Variants in CYFIP1 observed in about 807,000 individuals in gnomAD.
CYFIP1 encodes cytoplasmic FMR1-interacting protein 1.
Under a neutral mutation model 163.5 loss-of-function variants are expected in CYFIP1, and 58 were observed. That is an observed-to-expected ratio of 0.35 (90% CI 0.29 to 0.44). CYFIP1 has a LOEUF of 0.44. CYFIP1 is among the 20% of genes least tolerant of loss of function. CYFIP1 has a pLI of 1.00. For missense variants in CYFIP1, 1,338 were observed against 1,653.8 expected, an observed-to-expected ratio of 0.81 and a Z score of 3.31; for synonymous variants, 663 against 660.7, an observed-to-expected ratio of 1.00 and a Z score of -0.05.
rs1444016860 is a variant in CYFIP1 at position 22,875,235 on chromosome 15, G to C, written c.3079C>G (p.Pro1027Ala). 1 of 1,614,074 alleles carries C rather than the reference G, an allele frequency of 6.2e-7. No individual in the cohort carries two copies. ...ACTCGCGGCAAGATGTTCTGGAAAG[G>C]AGCCGCGTGCAGCAGGTCACACACT... ...EEVCDLLHAA[P>A]FQNILPRVHV... Residue 1027 changes from proline (P) to alanine (A), a missense_variant, in exon 27 of 31, where the codon CCT becomes GCT. Pro to Ala is a conservative substitution (Grantham distance 27). This residue lies in a region of CYFIP1 where 306 missense variants were observed against 322.1 expected (regional missense o/e 0.95). Coordinates refer to ENST00000617928, the MANE Select transcript of CYFIP1 (RefSeq NM_014608.6).
Position 22,879,135 on chromosome 15 carries a change from CAA to C in CYFIP1, c.3042+776_3042+777del, listed in dbSNP as rs11356601. The stretch of plus-strand genomic sequence containing the variant: ...GGGGTGACAGAGCAAGACTCCGTCT[CAA>C]AAAAAAAAAAAAAGAAAAAGAAAAT... On this transcript the variant is annotated intron_variant, in intron 26 of 30. Coordinates refer to ENST00000617928, the MANE Select transcript of CYFIP1 (RefSeq NM_014608.6). Among the ~76,000 whole-genome samples the C allele has an allele frequency of 1.3e-3, 170 of 130,278 alleles. 1 individual carries two copies. Among genetic ancestry groups the C allele is most frequent in the African/African-American group, 3.0e-3 (100 of 33,736 alleles). The allele number at this position is 130,278 out of a possible 152,430, so 85.5% of individuals were successfully genotyped here. A position where few individuals can be genotyped will look rare whatever the true frequency, so the allele number is the denominator to read the frequency against.
chr15:22,885,259 C>G (rs564380296), intron 23 of CYFIP1, among the ~76,000 whole-genome samples: 4 of 152,266 alleles, frequency 2.6e-5, no homozygotes, highest in African/African-American at 9.6e-5. Context: ...AATTTCAGAT[C>G]TCTCTCAAGT....
At chr15:22,968,814 C>CCATG (rs1433589128) in intron 1 of CYFIP1, among the ~76,000 whole-genome samples, 1 of 152,212 alleles carries the variant, frequency 6.6e-6, no homozygotes, top group Non-Finnish European at 1.5e-5. Flanking sequence ...CCCCACTGAG[C>CCATG]CATGAGTCCA....
At chr15:22,885,126 C>T (rs1447816656) in intron 23 of CYFIP1, among the ~76,000 whole-genome samples, 1 of 152,190 alleles carries the variant, frequency 6.6e-6, no homozygotes, top group Non-Finnish European at 1.5e-5. Flanking sequence ...TGGTGATTGA[C>T]ATTCAAAATT....
chr15:22,980,022 C>A (rs927087482), intron 1 of CYFIP1, among the ~76,000 whole-genome samples: 3 of 151,656 alleles, frequency 2.0e-5, no homozygotes, highest in African/African-American at 7.3e-5. Context: ...GCCGAAAGGC[C>A]GGGGGCGCAG....
At chr15:22,951,501 G>T in intron 1 of CYFIP1, 1 of 1,288,692 alleles carries the variant, frequency 7.8e-7, no homozygotes, top group Non-Finnish European at 1.0e-6. Context: ...GGCTGCCTGA[G>T]GACGTGCTTC....
Position 22,939,335 on chromosome 15 carries a change from A to T in CYFIP1, c.667-15T>A, listed in dbSNP as rs188449048. 17 of 1,614,038 alleles carry T rather than the reference A, an allele frequency of 1.1e-5. No homozygotes were observed. The highest frequency in any genetic ancestry group is 1.2e-5 in the Non-Finnish European group (14 of 1,180,020). On this transcript the variant is annotated splice_polypyrimidine_tract_variant and intron_variant, in intron 7 of 30. Transcript: ENST00000617928. ...TGCTGCAGAGACTGAAACACAGAGCAAGAGACTCATGCATGGGCCCGGCGC... is the reference window on the plus strand; with the variant it reads ...TGCTGCAGAGACTGAAACACAGAGCTAGAGACTCATGCATGGGCCCGGCGC...
At chr15:22,913,509 C>A (rs1340352510) in intron 17 of CYFIP1, among the ~76,000 whole-genome samples, 2 of 77,202 alleles carry the variant, frequency 2.6e-5, no homozygotes, top group Non-Finnish European at 4.5e-5. Context: ...GCCTGGGTAA[C>A]AGAGCAAGGC....
chr15:22,931,484 C>A (rs2061534130), intron 11 of CYFIP1, among the ~76,000 whole-genome samples: 1 of 152,040 alleles, frequency 6.6e-6, no homozygotes, highest in African/African-American at 2.4e-5. Flanking sequence ...GGCTCCTGCT[C>A]ACCTCTGGCC....
At position 22,882,989 on chromosome 15, in the gene CYFIP1, C is replaced by G; in HGVS notation, c.2699G>C (p.Ser900Thr). 6.2e-7 allele frequency: 1 copy of G among 1,613,886 alleles called. No individual in the cohort carries two copies. Among genetic ancestry groups the G allele is most frequent in the South Asian group, 1.1e-5 (1 of 91,066 alleles). ...GSKALNLAYS[S>T]IYGSYRNFVG... is the part of the protein sequence containing the mutation. ...GAAGTTCCGGTAGCTGCCGTAAATG[C>G]TGGAGTAGGCCAAGTTCAAAGCCTG... is the stretch of plus-strand genomic sequence containing the variant. The change falls in exon 24 of 31, where the codon AGC (serine) becomes ACC (threonine). Residue 900 changes from serine (S) to threonine (T), a missense_variant. Around this residue, in one of 4 missense-constraint regions of CYFIP1, gnomAD observed 824 missense variants for 995.7 expected, o/e 0.83. Transcript: ENST00000617928.
chr15:22,872,804 G>A (rs1595482763), intron 30 of CYFIP1, 21 bp downstream of exon 30: 10 of 1,612,086 alleles, frequency 6.2e-6, no homozygotes, highest in South Asian at 1.1e-5. Flanking sequence ...CATAGATGGT[G>A]CGAGATTTTC....
intron 1 of CYFIP1, among the ~76,000 whole-genome samples, chr15:22,973,463 C>T (rs1208632254): frequency 6.6e-6 from 1 of 152,030 alleles, no homozygotes; most frequent in East Asian, 1.9e-4. Context: ...GTATATTTGC[C>T]TATTCTGGAC....
chr15:22,978,729 T>C, intron 1 of CYFIP1, among the ~76,000 whole-genome samples: 1 of 152,264 alleles, frequency 6.6e-6, no homozygotes, highest in East Asian at 1.9e-4. Context: ...TTTCAGACCC[T>C]TGTATCTTTA....
chr15:22,956,487 T>C (rs1354023870), intron 1 of CYFIP1, among the ~76,000 whole-genome samples: 3 of 152,060 alleles, frequency 2.0e-5, no homozygotes, highest in Non-Finnish European at 2.9e-5. Flanking sequence ...AGTTTGTATG[T>C]GTGAGTGTGT....
At chr15:22,899,548 C>T (rs2060333060) in intron 22 of CYFIP1, among the ~76,000 whole-genome samples, 1 of 53,586 alleles carries the variant, frequency 1.9e-5, no homozygotes, top group Admixed American at 2.5e-4. Context: ...AGTTTCCCTG[C>T]ACAAGCTCTC....
intron 30 of CYFIP1, among the ~76,000 whole-genome samples, chr15:22,870,439 GC>G (rs2059402061): frequency 6.6e-6 from 1 of 151,928 alleles, no homozygotes. Flanking sequence ...CTCCTGAGTA[GC>G]TGGGACCACA....
intron 20 of CYFIP1, among the ~76,000 whole-genome samples, chr15:22,909,724 AT>A (rs894375395): frequency 6.6e-6 from 1 of 151,186 alleles, no homozygotes; most frequent in African/African-American, 2.4e-5. Context: ...TTAATTTTTA[AT>A]TTTTTTTCTT....
At chr15:22,915,938 A>G (rs1435368587) in intron 16 of CYFIP1, among the ~76,000 whole-genome samples, 1 of 152,186 alleles carries the variant, frequency 6.6e-6, no homozygotes, top group Non-Finnish European at 1.5e-5. Flanking sequence ...TATTTCCTCC[A>G]ATACCTCGCA....
At chr15:22,939,549 G>T in intron 6 of CYFIP1, 42 bp from the exon 7 acceptor site, 1 of 642,400 alleles carries the variant, frequency 1.6e-6, no homozygotes, top group South Asian at 2.3e-5. Context: ...GCACCAACGT[G>T]CCACATTTAA....
Sources: gnomAD v4.1 joint callset for allele counts (sites outside exome capture counted in the v4.1 genomes callset) on GRCh38, gnomAD v4.1.1 for gene constraint, gnomAD v4.1.1 regional missense constraint, MANE v1.5 for transcripts, NCBI Gene and HGNC (gene_info 2026-07-23, HGNC 2026-07-21) for gene names.